ARHGEF12: variants seen among roughly 807,000 people sequenced by gnomAD.
ARHGEF12 encodes the protein Rho guanine nucleotide exchange factor 12.
ARHGEF12 carries 66 observed loss-of-function variants against 211.2 expected under a neutral mutation model. That is an observed-to-expected ratio of 0.31 (90% CI 0.26 to 0.38). The LOEUF (loss-of-function observed/expected upper bound fraction) is 0.38. Among genes scored for constraint, ARHGEF12 ranks in the 10% least tolerant of loss-of-function variants. The probability of loss-of-function intolerance (pLI) is 1.00; values close to 1 mark genes in which losing one functional copy is unlikely to be tolerated. For synonymous variants in ARHGEF12, 592 were observed against 638.4 expected, an observed-to-expected ratio of 0.93 and a Z score of 1.09; for missense variants, 1,429 against 1,869.5, an observed-to-expected ratio of 0.76 and a Z score of 4.34.
At chr11:120,426,755 A>G (rs1945355805) in intron 7 of ARHGEF12, among the ~76,000 whole-genome samples, 1 of 152,236 alleles carries the variant, frequency 6.6e-6, no homozygotes. Context: ...AATGATTTCC[A>G]TGGGAGGGTT....
intron 29 of ARHGEF12, among the ~76,000 whole-genome samples, chr11:120,468,483 C>G (rs530648330): frequency 1.8e-4 from 27 of 152,310 alleles, no homozygotes; most frequent in African/African-American, 6.0e-4. Flanking sequence ...GAGTCTCGCT[C>G]TGTCGCCCAG....
At chr11:120,403,940 C>T (rs1281586030) in intron 1 of ARHGEF12, among the ~76,000 whole-genome samples, 1 of 152,204 alleles carries the variant, frequency 6.6e-6, no homozygotes, top group Non-Finnish European at 1.5e-5. Context: ...TTGTAGCTTT[C>T]AGACCTGCCT....
rs561915382 is a variant in ARHGEF12 at position 120,478,296 on chromosome 11, C to T, written c.3673C>T (p.Leu1225=). 1 of 1,614,136 alleles carries T rather than the reference C, an allele frequency of 6.2e-7. No homozygotes were observed. The highest frequency in any genetic ancestry group is 1.3e-5 in the African/African-American group (1 of 75,030). The change falls in exon 37 of 41, where the codon CTA becomes TTA. Residue 1225 remains leucine, a synonymous_variant. Transcript: ENST00000397843. ...AAAGGAACAACATACAGATGGGACA[C>T]TAAAGGAAGTTGGAGAAGATTATCA... is the stretch of plus-strand genomic sequence containing the variant. ...FAKEQHTDGT[L]KEVGEDYQIA...
intron 39 of ARHGEF12, among the ~76,000 whole-genome samples, chr11:120,482,136 A>G (rs1412837789): frequency 6.6e-6 from 1 of 152,216 alleles, no homozygotes; most frequent in African/African-American, 2.4e-5. Flanking sequence ...ATGGGTGTCT[A>G]AGTTTAAGAA....
At chr11:120,483,165 A>C (rs970850658) in intron 39 of ARHGEF12, among the ~76,000 whole-genome samples, 1 of 151,898 alleles carries the variant, frequency 6.6e-6, no homozygotes. Flanking sequence ...ATCTCTCAAC[A>C]CTATTACTGA....
chr11:120,342,340 G>A (rs987774391), intron 1 of ARHGEF12, among the ~76,000 whole-genome samples: 13 of 152,138 alleles, frequency 8.5e-5, no homozygotes, highest in Non-Finnish European at 1.6e-4. Flanking sequence ...TTGCTGTCAG[G>A]AAGTTTTTCC....
intron 1 of ARHGEF12, among the ~76,000 whole-genome samples, chr11:120,376,241 A>G (rs1943720125): frequency 6.6e-6 from 1 of 152,010 alleles, no homozygotes; most frequent in African/African-American, 2.4e-5. Context: ...TTTACAAATA[A>G]TGTGTTCAGA....
At chr11:120,341,363 T>C (rs1448998597) in intron 1 of ARHGEF12, among the ~76,000 whole-genome samples, 2 of 66,226 alleles carry the variant, frequency 3.0e-5, no homozygotes, top group East Asian at 3.2e-4. Flanking sequence ...CAGTGGTTTT[T>C]TTTGTTGTTG....
chr11:120,371,189 T>C (rs989755360), intron 1 of ARHGEF12, among the ~76,000 whole-genome samples: 5 of 152,216 alleles, frequency 3.3e-5, no homozygotes, highest in African/African-American at 1.2e-4. Flanking sequence ...TAGACATTTA[T>C]TAAAACTGTA....
rs192318680 is a variant in ARHGEF12 at position 120,344,795 on chromosome 11, A to C, written c.32+7520A>C. ...AGATCTTAGGATGAAAAGTACAGAC[A>C]TGTTCTTAGTCATTTGCAGGTTACT... On this transcript the variant is annotated intron_variant, in intron 1 of 40. Coordinates refer to ENST00000397843, the MANE Select transcript of ARHGEF12 (RefSeq NM_015313.3). 5.0e-3 allele frequency among the ~76,000 whole-genome samples: 761 copies of C among 152,330 alleles called. 8 individuals carry two copies. Among genetic ancestry groups the C allele is most frequent in the African/African-American group, 0.017 (722 of 41,566 alleles).
chr11:120,357,061 G>T (rs1943150676), intron 1 of ARHGEF12, among the ~76,000 whole-genome samples: 1 of 151,112 alleles, frequency 6.6e-6, no homozygotes, highest in Admixed American at 6.6e-5. Flanking sequence ...GTCACCCTCT[G>T]TTGCCCAGGC....
At chr11:120,381,158 G>T (rs1284029484) in intron 1 of ARHGEF12, among the ~76,000 whole-genome samples, 1 of 147,090 alleles carries the variant, frequency 6.8e-6, no homozygotes, top group Admixed American at 7.5e-5. Context: ...GCCCTCTCAG[G>T]GGACAGAGCT....
chr11:120,400,014 C>T (rs182850212), intron 1 of ARHGEF12, among the ~76,000 whole-genome samples: 2 of 152,308 alleles, frequency 1.3e-5, no homozygotes, highest in Admixed American at 1.3e-4. Context: ...CTCAACGACA[C>T]TTAAAAGCTA....
At chr11:120,348,777 G>T (rs1198858483) in intron 1 of ARHGEF12, among the ~76,000 whole-genome samples, 1 of 152,012 alleles carries the variant, frequency 6.6e-6, no homozygotes, top group South Asian at 2.1e-4. Flanking sequence ...GGAGGTGGAG[G>T]TTCAAGCGAG....
Position 120,440,118 on chromosome 11 carries a change from A to G in ARHGEF12, c.1000-11A>G. The G allele has an allele frequency of 6.3e-7, 1 of 1,597,252 alleles. No individual in the cohort carries two copies. Among genetic ancestry groups the G allele is most frequent in the Non-Finnish European group, 8.5e-7 (1 of 1,170,172 alleles). On this transcript the variant is annotated splice_polypyrimidine_tract_variant and intron_variant, in intron 12 of 40. Transcript: ENST00000397843. ...GTAATTTTTCTGTTTCTTTTCCCTG[A>G]ATGTTGCCAGGACACTCAATCACTT... is the stretch of plus-strand genomic sequence containing the variant.
intron 1 of ARHGEF12, among the ~76,000 whole-genome samples, chr11:120,339,775 G>C (rs1308684904): frequency 6.6e-6 from 1 of 152,206 alleles, no homozygotes; most frequent in South Asian, 2.1e-4. Context: ...TGTTAGGGAC[G>C]TGCTGGGGCT....
At chr11:120,453,280 T>C (rs1408917896) in intron 22 of ARHGEF12, among the ~76,000 whole-genome samples, 2 of 152,184 alleles carry the variant, frequency 1.3e-5, no homozygotes, top group Non-Finnish European at 2.9e-5. Flanking sequence ...TGCACTGATA[T>C]TTCATGGCTC....
At chr11:120,446,915 G>A in intron 17 of ARHGEF12, 33 bp from the exon 18 acceptor site, 1 of 1,601,134 alleles carries the variant, frequency 6.2e-7, no homozygotes, top group Non-Finnish European at 8.5e-7. Flanking sequence ...TTTTTCTTTA[G>A]GCTACCTCAG....
chr11:120,337,751 T>C (rs1591470379), intron 1 of ARHGEF12: 1 of 985,354 alleles, frequency 1.0e-6, no homozygotes, highest in South Asian at 4.7e-5. Flanking sequence ...ACTTGATCTC[T>C]TTCAGATGTT....
Sources: allele counts gnomAD v4.1 joint callset (sites outside exome capture counted in the v4.1 genomes callset), GRCh38; gene constraint gnomAD v4.1.1; transcripts MANE v1.5; gene names NCBI Gene and HGNC (gene_info 2026-07-23, HGNC 2026-07-21).